ENC1: variants seen among roughly 807,000 people sequenced by gnomAD.
ENC1 encodes the protein ectoderm-neural cortex protein 1.
Under a neutral mutation model 40.9 loss-of-function variants are expected in ENC1, and 19 were observed. The ratio of observed to expected loss-of-function variants is 0.46; its 90% CI spans 0.32 to 0.68. The LOEUF is 0.68. Ranked by LOEUF, ENC1 falls within the 30% of genes least tolerant of loss-of-function variation. The probability of loss-of-function intolerance (pLI) is 0.03; values close to 1 mark genes in which losing one functional copy is unlikely to be tolerated. For synonymous variants in ENC1, 285 were observed against 291.1 expected, an observed-to-expected ratio of 0.98 and a Z score of 0.21; for missense variants, 479 against 737.5, an observed-to-expected ratio of 0.65 and a Z score of 4.06.
In ENC1 at chr5:74,636,453, G is replaced by A; in HGVS notation, c.33C>T (p.Ser11=). 6.2e-7 allele frequency: 1 copy of A among 1,612,104 alleles called. No homozygotes were observed. Residue 11 remains serine (S), a synonymous_variant, in exon 2 of 3, where the codon TCC becomes TCT. Coordinates refer to ENST00000302351, the MANE Select transcript of ENC1 (RefSeq NM_003633.4). This position sits in a 1 kb window ranked among gnomAD's most constrained non-coding sequence, Gnocchi z 4.8. ...TGTTAATGGAGCCGCTGCTGGCCCT[G>A]GACTTGCGGTTCTCATGCACACTGA... MSVSVHENRK[S]RASSGSINIY... is the part of the protein sequence containing the mutation.
In ENC1 at chr5:74,635,916, C is replaced by G; in HGVS notation, c.570G>C (p.Gln190His). The change falls in exon 2 of 3, where the codon CAG (glutamine) becomes CAC (histidine). Residue 190 changes from glutamine (Q) to histidine (H), a missense_variant. By Grantham distance (24) the Gln-to-His change is conservative (BLOSUM62 0). Coordinates refer to ENST00000302351, the MANE Select transcript of ENC1 (RefSeq NM_003633.4). This position sits in a 1 kb window ranked among gnomAD's most constrained non-coding sequence, Gnocchi z 5.5. ...RKNEDFLQLP[Q>H]DMVVQLLSSE... ...TGGACAAGAGTTGCACTACCATGTC[C>G]TGGGGCAGCTGGAGGAAATCTTCAT... 1 of 1,614,066 alleles carries G rather than the reference C, an allele frequency of 6.2e-7. No individual in the cohort carries two copies. Among genetic ancestry groups the G allele is most frequent in the Non-Finnish European group, 8.5e-7 (1 of 1,180,034 alleles).
chr5:74,637,656 T>C (rs1296223968), intron 1 of ENC1: 1 of 152,230 alleles, frequency 6.6e-6, no homozygotes, highest in African/African-American at 2.4e-5. Flanking sequence ...TTTGATTAAA[T>C]AGTGCATCAC....
At chr5:74,634,627 G>C in intron 2 of ENC1, 57 bp downstream of exon 2, 2 of 817,540 alleles carry the variant, frequency 2.4e-6, no homozygotes, top group African/African-American at 1.7e-5. Flanking sequence ...CCCATGTACT[G>C]AACTTACACA....
intron 2 of ENC1, among the ~76,000 whole-genome samples, chr5:74,630,678 G>A (rs1027255251): frequency 7.2e-5 from 11 of 152,124 alleles, no homozygotes; most frequent in South Asian, 4.1e-4. Flanking sequence ...CAGAATCTAC[G>A]TACATCAAGT....
rs760783601 is a variant in ENC1, at chr5:74,634,854, T to G, written c.1632A>C (p.Gly544=). The change falls in exon 2 of 3, where the codon GGA becomes GGC. Residue 544 remains glycine (G), a synonymous_variant. Coordinates refer to ENST00000302351, the MANE Select transcript of ENC1 (RefSeq NM_003633.4). The stretch of plus-strand genomic sequence containing the variant: ...TGCATCGCTGAATGCCAAAGTATCC[T>G]CCAACCACGTAGAGTTTGTTTCCAG... ...VASGNKLYVV[G]GYFGIQRCKT... is the part of the protein sequence containing the mutation. The G allele has an allele frequency of 7.4e-6, 12 of 1,614,182 alleles. No homozygotes were observed. The South Asian group carries it at 1.3e-4, about 18-fold the overall frequency.
Position 74,634,880 on chromosome 5 carries a change from A to T in ENC1, c.1606T>A (p.Ser536Thr). The stretch of plus-strand genomic sequence containing the variant: ...CCAACCACGTAGAGTTTGTTTCCAG[A>T]GGCCACAGCATGGCAGCTCATGCGC... ...AKRMSCHAVA[S>T]GNKLYVVGGY... is the part of the protein sequence containing the mutation. Residue 536 changes from serine (S) to threonine (T), a missense_variant, in exon 2 of 3, where the codon TCT becomes ACT. By Grantham distance (58) the Ser-to-Thr change is moderately conservative. Transcript: ENST00000302351. The T allele has an allele frequency of 6.2e-7, 1 of 1,614,224 alleles. No individual in the cohort carries two copies. The highest frequency in any genetic ancestry group is 8.5e-7 in the Non-Finnish European group (1 of 1,180,044).
chr5:74,635,944 T>C lies in ENC1; in HGVS notation c.542A>G (p.Lys181Arg), dbSNP rs1747572769. 1 of 1,614,132 alleles carries C rather than the reference T, an allele frequency of 6.2e-7. No homozygotes were observed. Among genetic ancestry groups the C allele is most frequent in the Middle Eastern group, 1.6e-4 (1 of 6,062 alleles). ...MCLSNFQTIR[K>R]NEDFLQLPQD... ...GGGCAGCTGGAGGAAATCTTCATTCTTCCTGATGGTTTGGAAGTTGCTGAG... is the reference window on the plus strand; with the variant it reads ...GGGCAGCTGGAGGAAATCTTCATTCCTCCTGATGGTTTGGAAGTTGCTGAG... Residue 181 changes from lysine (K) to arginine (R), a missense_variant, in exon 2 of 3, where the codon AAG becomes AGG. Physicochemically the swap from Lys to Arg is conservative, Grantham distance 26 (BLOSUM62 2). Coordinates refer to ENST00000302351, the MANE Select transcript of ENC1 (RefSeq NM_003633.4). The surrounding 1 kb of genome is among the most constrained non-coding windows in gnomAD (Gnocchi z 5.5).
In ENC1 at chr5:74,629,884, C is replaced by T. The variant is rs771801318; in HGVS notation, c.*141G>A. The T allele has an allele frequency of 2.2e-5, 3 of 136,328 alleles. No homozygotes were observed. Among genetic ancestry groups the T allele is most frequent in the Non-Finnish European group, 3.0e-5 (2 of 65,596 alleles). 8.4% of individuals were successfully genotyped at this position (136,328 alleles called of 1,614,324 possible). A position where few individuals can be genotyped will look rare whatever the true frequency, so the allele number is the denominator to read the frequency against. On this transcript the variant is annotated 3_prime_UTR_variant, in exon 3 of 3. Transcript: ENST00000302351. The stretch of plus-strand genomic sequence containing the variant: ...GTCCAGTTAGAGCATTTACAAGGTG[C>T]AGCAGATTTTATTCGAGTCTTGCAA...
chr5:74,633,388 C>A (rs888755172), intron 2 of ENC1, among the ~76,000 whole-genome samples: 4 of 152,136 alleles, frequency 2.6e-5, no homozygotes, highest in Admixed American at 2.6e-4. Context: ...ACAATAGGGT[C>A]GGCCTGACTG....
chr5:74,633,620 A>G (rs957879154), intron 2 of ENC1, among the ~76,000 whole-genome samples: 1 of 152,244 alleles, frequency 6.6e-6, no homozygotes, highest in Non-Finnish European at 1.5e-5. Flanking sequence ...ACATTTTTAA[A>G]CCCTAATCAT....
intron 1 of ENC1, among the ~76,000 whole-genome samples, chr5:74,637,211 A>G (rs925374027): frequency 6.6e-6 from 1 of 152,182 alleles, no homozygotes; most frequent in Non-Finnish European, 1.5e-5. Flanking sequence ...GAACTCCTGG[A>G]CTTAAGTGAT....
In ENC1 at chr5:74,634,881, G is replaced by A. The variant is rs76830669; in HGVS notation, c.1605C>T (p.Ala535=). Residue 535 remains alanine, a synonymous_variant, in exon 2 of 3, where the codon GCC becomes GCT. Coordinates refer to ENST00000302351, the MANE Select transcript of ENC1 (RefSeq NM_003633.4). The part of the protein sequence containing the change: ...TAKRMSCHAV[A]SGNKLYVVGG... Reference sequence around the variant, plus strand: ...CAACCACGTAGAGTTTGTTTCCAGAGGCCACAGCATGGCAGCTCATGCGCT... The same window carrying A: ...CAACCACGTAGAGTTTGTTTCCAGAAGCCACAGCATGGCAGCTCATGCGCT... The A allele has an allele frequency of 8.9e-4, 1,444 of 1,614,188 alleles. 13 individuals are homozygous for A. In the African/African-American group the frequency reaches 0.017, roughly 19 times the overall value.
intron 1 of ENC1, chr5:74,637,794 ATT>A (rs1747658919): frequency 7.6e-6 from 1 of 131,074 alleles, no homozygotes. Flanking sequence ...GTGTGTGTGT[ATT>A]TTGCCAGCTG....
rs567896223 is a variant in ENC1 at position 74,631,251 on chromosome 5, C to A, written c.*33-1259G>T. Among the ~76,000 whole-genome samples, 55 of 152,152 alleles carry A rather than the reference C, an allele frequency of 3.6e-4. No homozygotes were observed. The South Asian group carries it at 0.011, about 30-fold the overall frequency. On this transcript the variant is annotated intron_variant, in intron 2 of 2. Transcript: ENST00000302351. ...AATCAAAGCCTAAGTTAGGTTGAGG[C>A]CACACGGCACCATGAAAACAGAGGA... is the stretch of plus-strand genomic sequence containing the variant.
Position 74,629,780 on chromosome 5 carries a change from C to G in ENC1, c.*245G>C, listed in dbSNP as rs1265726017. 6.6e-6 allele frequency: 1 copy of G among 152,206 alleles called. No individual in the cohort carries two copies. Among genetic ancestry groups the G allele is most frequent in the Non-Finnish European group, 1.5e-5 (1 of 68,038 alleles). The allele number at this position is 152,206 out of a possible 1,614,324, so 9.4% of individuals were successfully genotyped here. A position where few individuals can be genotyped will look rare whatever the true frequency, so the allele number is the denominator to read the frequency against. On this transcript the variant is annotated 3_prime_UTR_variant, in exon 3 of 3. Transcript: ENST00000302351. ...CAATTACAAGACAAGGACTAGATCA[C>G]AGGTTTGTTCATTCATATTTAAACC...
rs1347473779 is a variant in ENC1, at chr5:74,640,648, C to G, written c.-355G>C. 6.6e-6 allele frequency: 1 copy of G among 152,348 alleles called. No homozygotes were observed. Among genetic ancestry groups the G allele is most frequent in the Non-Finnish European group, 1.5e-5 (1 of 68,224 alleles). The allele number at this position is 152,348 out of a possible 1,614,324, so 9.4% of individuals were successfully genotyped here. ...GGGAGCTAGAAAGCGCCTTGTGTGC[C>G]GGCGGCCGCCAGGCGTCTGGACCGG... On this transcript the variant is annotated 5_prime_UTR_variant, in exon 1 of 3. Transcript: ENST00000302351.
At chr5:74,637,123 T>G (rs1288233620) in intron 1 of ENC1, among the ~76,000 whole-genome samples, 1 of 152,246 alleles carries the variant, frequency 6.6e-6, no homozygotes, top group Non-Finnish European at 1.5e-5. Context: ...TTTCATTTTA[T>G]ATATACTTTT....
At chr5:74,640,256 C>G (rs1345620425) in intron 1 of ENC1, 51 bp downstream of exon 1, 1 of 152,984 alleles carries the variant, frequency 6.5e-6, no homozygotes, top group Non-Finnish European at 1.5e-5. Context: ...CGAAGCAGCC[C>G]CTGAAGCCCG....
At position 74,635,478 on chromosome 5, in the gene ENC1, A is replaced by C; in HGVS notation, c.1008T>G (p.Cys336Trp). The change falls in exon 2 of 3, where the codon TGT becomes TGG. Residue 336 changes from cysteine to tryptophan, a missense_variant. By Grantham distance (215) the Cys-to-Trp change is radical. Transcript: ENST00000302351. The surrounding 1 kb of genome is among the most constrained non-coding windows in gnomAD (Gnocchi z 5.5). ...TAATGTACACTTTGCAGCCAATCGC[A>C]CATGCACTAAACTCTTTTCTTGGGC... ...IPSPRKEFSA[C>W]AIGCKVYITG... 1 of 1,614,108 alleles carries C rather than the reference A, an allele frequency of 6.2e-7. No homozygotes were observed. The highest frequency in any genetic ancestry group is 8.5e-7 in the Non-Finnish European group (1 of 1,180,016).
Sources: allele counts gnomAD v4.1 joint callset (sites outside exome capture counted in the v4.1 genomes callset), GRCh38; gene constraint gnomAD v4.1.1; non-coding constraint Gnocchi (gnomAD v3.1); transcripts MANE v1.5; gene names NCBI Gene and HGNC (gene_info 2026-07-23, HGNC 2026-07-21).